Variants in PTPDC1 observed in about 807,000 individuals in gnomAD.
The protein encoded by PTPDC1 is protein tyrosine phosphatase domain containing 1, also known as protein tyrosine phosphatase domain-containing protein 1.
A neutral mutation model predicts 75.3 loss-of-function variants in PTPDC1; 53 were observed. That is an observed-to-expected ratio of 0.70 (90% CI 0.56 to 0.88). PTPDC1 has a LOEUF of 0.88. Among genes scored for constraint, PTPDC1 ranks in the 40% least tolerant of loss-of-function variants. The pLI is 0.00. For synonymous variants in PTPDC1, 349 were observed against 366.2 expected, an observed-to-expected ratio of 0.95 and a Z score of 0.54; for missense variants, 925 against 998.6, an observed-to-expected ratio of 0.93 and a Z score of 0.99.
intron 1 of PTPDC1, chr9:94,038,415 C>T (rs1040281994): frequency 5.7e-6 from 2 of 353,514 alleles, no homozygotes; most frequent in Non-Finnish European, 1.0e-5. Context: ...TTTAATAGAT[C>T]TCATACACCA....
intron 8 of PTPDC1, among the ~76,000 whole-genome samples, chr9:94,106,037 A>C (rs1828012990): frequency 6.6e-6 from 1 of 151,922 alleles, no homozygotes; most frequent in Non-Finnish European, 1.5e-5. Context: ...TGCAAAGGGG[A>C]TAGATAATAT....
intron 1 of PTPDC1, among the ~76,000 whole-genome samples, chr9:94,046,689 C>T (rs970551261): frequency 3.3e-5 from 5 of 152,082 alleles, no homozygotes; most frequent in Non-Finnish European, 5.9e-5. Flanking sequence ...TTTTACACAT[C>T]GATTTTGTAT....
At chr9:94,033,585 T>A (rs544007106) in intron 1 of PTPDC1, among the ~76,000 whole-genome samples, 9 of 152,330 alleles carry the variant, frequency 5.9e-5, no homozygotes, top group Admixed American at 2.6e-4. Context: ...ATCTTTAAAA[T>A]GGGGACAGTG....
rs1468735714 is a variant in PTPDC1 at position 94,104,295 on chromosome 9, CT to C, written c.2221del (p.Cys741AlafsTer6). The C allele has an allele frequency of 6.2e-7, 1 of 1,613,550 alleles. No homozygotes were observed. Among genetic ancestry groups the C allele is most frequent in the East Asian group, 2.2e-5 (1 of 44,882 alleles). The part of the protein sequence containing the change: ...LEKGQHQTIL[C>X]VLHCIVNLQT... Reference sequence around the variant, plus strand: ...AACAGGGACAGCACCAGACTATTCTCTGCGTGTTGCACTGCATAGTGAACCT... The same window carrying C: ...AACAGGGACAGCACCAGACTATTCTCGCGTGTTGCACTGCATAGTGAACCT... On this transcript the variant is annotated frameshift_variant, in exon 8 of 9. Transcript: ENST00000620992. LOFTEE classifies it high-confidence loss of function.
intron 2 of PTPDC1, among the ~76,000 whole-genome samples, chr9:94,078,637 T>C (rs545727876): frequency 6.6e-6 from 1 of 152,330 alleles, no homozygotes; most frequent in East Asian, 1.9e-4. Flanking sequence ...TATTCCACAT[T>C]TCTGTGAGGC....
chr9:94,048,627 A>G (rs1825689540), intron 1 of PTPDC1, among the ~76,000 whole-genome samples: 3 of 152,038 alleles, frequency 2.0e-5, no homozygotes, highest in Non-Finnish European at 4.4e-5. Flanking sequence ...ACTTCCAACT[A>G]TATGGTCAAT....
intron 1 of PTPDC1, among the ~76,000 whole-genome samples, chr9:94,048,186 T>G (rs1242090461): frequency 1.3e-5 from 2 of 152,222 alleles, no homozygotes; most frequent in Non-Finnish European, 1.5e-5. Context: ...TTGAAGGGTT[T>G]TTTGTGTCTC....
intron 4 of PTPDC1, among the ~76,000 whole-genome samples, chr9:94,092,651 G>A (rs1587896918): frequency 6.7e-6 from 1 of 150,320 alleles, no homozygotes. Flanking sequence ...TTGACTTTCT[G>A]TCTCGTTGAT....
At chr9:94,082,080 C>T (rs1826902139), upstream of PTPDC1, among the ~76,000 whole-genome samples, 1 of 152,148 alleles carries the variant, frequency 6.6e-6, no homozygotes, top group African/African-American at 2.4e-5. Flanking sequence ...AATTTGAGTG[C>T]AGCCTAAGCA....
intron 1 of PTPDC1, among the ~76,000 whole-genome samples, chr9:94,058,495 TC>T (rs1826018481): frequency 6.6e-6 from 1 of 150,704 alleles, no homozygotes; most frequent in South Asian, 2.1e-4. Context: ...AGTCAGGAGT[TC>T]CAGACCAGCC....
At chr9:94,099,614 A>T (rs1423345078) in intron 6 of PTPDC1, among the ~76,000 whole-genome samples, 1 of 152,268 alleles carries the variant, frequency 6.6e-6, no homozygotes, top group African/African-American at 2.4e-5. Context: ...CCTATCCAAT[A>T]GTTAAATGTA....
At chr9:94,070,069 C>T (rs778370960) in intron 2 of PTPDC1, among the ~76,000 whole-genome samples, 3 of 149,326 alleles carry the variant, frequency 2.0e-5, no homozygotes, top group Admixed American at 2.0e-4. Flanking sequence ...GTGATCCGCC[C>T]GCCTCTGCCT....
chr9:94,037,759 G>A (rs957500310), intron 1 of PTPDC1, among the ~76,000 whole-genome samples: 9 of 151,940 alleles, frequency 5.9e-5, no homozygotes, highest in African/African-American at 1.7e-4. Context: ...CCCCATTCCC[G>A]TCCCGTAATC....
intron 5 of PTPDC1, 121 bp from the exon 6 acceptor site, chr9:94,097,200 G>A (rs1169807550): frequency 1.4e-6 from 1 of 699,340 alleles, no homozygotes; most frequent in Non-Finnish European, 2.4e-6. Context: ...TCCTTAAAAT[G>A]TGTCTCTATT....
At chr9:94,031,916 C>A (rs531797099) in intron 1 of PTPDC1, among the ~76,000 whole-genome samples, 2 of 152,252 alleles carry the variant, frequency 1.3e-5, no homozygotes, top group South Asian at 4.2e-4. Context: ...CCGGAAAACT[C>A]CGAGAGGTCA....
At chr9:94,041,014 T>C (rs370412894) in intron 1 of PTPDC1, among the ~76,000 whole-genome samples, 1 of 152,218 alleles carries the variant, frequency 6.6e-6, no homozygotes, top group African/African-American at 2.4e-5. Flanking sequence ...TCTTTCTTTC[T>C]ACCTGATAGT....
At chr9:94,084,844 G>A in intron 1 of PTPDC1, 70 bp downstream of exon 1, 1 of 1,127,992 alleles carries the variant, frequency 8.9e-7, no homozygotes, top group Non-Finnish European at 1.3e-6. Flanking sequence ...GCTGTGTTGT[G>A]TTTATACCTT....
chr9:94,055,751 T>TA (rs757461537), intron 1 of PTPDC1, among the ~76,000 whole-genome samples: 112 of 151,930 alleles, frequency 7.4e-4, no homozygotes, highest in Admixed American at 1.7e-3. Flanking sequence ...TTAAAGTATA[T>TA]AAAAAAACAA....
At chr9:94,073,872 A>G (rs74968444) in intron 2 of PTPDC1, among the ~76,000 whole-genome samples, 11,498 of 152,154 alleles carry the variant, frequency 0.076, 580 homozygotes, top group East Asian at 0.14. Flanking sequence ...TTGACGTTCA[A>G]TTTCCCAAGT....
Sources: allele counts gnomAD v4.1 joint callset (sites outside exome capture counted in the v4.1 genomes callset), GRCh38; gene constraint gnomAD v4.1.1; transcripts MANE v1.5; gene names NCBI Gene and HGNC (gene_info 2026-07-23, HGNC 2026-07-21).